CDH13: variants seen among roughly 807,000 people sequenced by gnomAD.
CDH13 encodes cadherin-13.
CDH13 carries 24 observed loss-of-function variants against 63.8 expected under a neutral mutation model. The observed-to-expected ratio is 0.38, with a 90% CI of 0.27 to 0.53. CDH13 has a LOEUF of 0.53. Among genes scored for constraint, CDH13 ranks in the 20% least tolerant of loss-of-function variants. The probability of loss-of-function intolerance (pLI) is 0.85; values close to 1 mark genes in which losing one functional copy is unlikely to be tolerated. For missense variants in CDH13, 1,049 were observed against 903.1 expected, an observed-to-expected ratio of 1.16 and a Z score of -2.07; for synonymous variants, 503 against 355.3, an observed-to-expected ratio of 1.42 and a Z score of -4.67.
intron 5 of CDH13, among the ~76,000 whole-genome samples, chr16:83,274,996 C>T (rs959799514): frequency 1.2e-4 from 19 of 152,166 alleles, no homozygotes; most frequent in South Asian, 2.1e-4. Flanking sequence ...CTGTCTGACC[C>T]GGCACTCCCT....
chr16:82,792,800 C>G (rs560747234), intron 1 of CDH13, among the ~76,000 whole-genome samples: 1 of 152,208 alleles, frequency 6.6e-6, no homozygotes, highest in East Asian at 1.9e-4. Flanking sequence ...GAAATCATCA[C>G]CCAATGCCCA....
At chr16:83,580,266 G>C (rs1905440006) in intron 7 of CDH13, among the ~76,000 whole-genome samples, 1 of 152,076 alleles carries the variant, frequency 6.6e-6, no homozygotes, top group African/African-American at 2.4e-5. Flanking sequence ...TGGAACCACT[G>C]GGGCTATTTT....
chr16:82,702,505 A>G (rs2150993320), intron 1 of CDH13, among the ~76,000 whole-genome samples: 1 of 152,276 alleles, frequency 6.6e-6, no homozygotes, highest in Non-Finnish European at 1.5e-5. Flanking sequence ...TTGATTCTGG[A>G]CTTGCCATTC....
intron 10 of CDH13, among the ~76,000 whole-genome samples, chr16:83,731,598 C>T (rs1911048711): frequency 6.6e-6 from 1 of 152,110 alleles, no homozygotes; most frequent in Non-Finnish European, 1.5e-5. Context: ...TATTTCTTTC[C>T]ATTCTATAGG....
intron 10 of CDH13, among the ~76,000 whole-genome samples, chr16:83,711,852 TTC>T (rs1235350343): frequency 6.6e-6 from 1 of 152,224 alleles, no homozygotes; most frequent in Non-Finnish European, 1.5e-5. Flanking sequence ...AGACATTGCA[TTC>T]TTTCTCCAGG....
intron 2 of CDH13, among the ~76,000 whole-genome samples, chr16:82,972,574 G>A (rs571565237): frequency 2.6e-5 from 4 of 152,294 alleles, no homozygotes; most frequent in South Asian, 2.1e-4. Flanking sequence ...AGTAGTAACA[G>A]CACTTCCATC....
At chr16:82,861,352 C>A (rs562524580) in intron 2 of CDH13, among the ~76,000 whole-genome samples, 1 of 152,130 alleles carries the variant, frequency 6.6e-6, no homozygotes, top group Non-Finnish European at 1.5e-5. Flanking sequence ...GTAAACACAG[C>A]ATAATCAATC....
At chr16:83,356,388 C>A (rs1190331947) in intron 6 of CDH13, among the ~76,000 whole-genome samples, 1 of 152,052 alleles carries the variant, frequency 6.6e-6, no homozygotes, top group African/African-American at 2.4e-5. Flanking sequence ...GCCAGATTCT[C>A]CCCCTAGCGG....
chr16:82,935,005 C>T (rs1168410472), intron 2 of CDH13, among the ~76,000 whole-genome samples: 1 of 152,208 alleles, frequency 6.6e-6, no homozygotes, highest in African/African-American at 2.4e-5. Flanking sequence ...TTTTGGGTAT[C>T]CTTACGGCAG....
At chr16:83,171,483 A>T (rs1237896458) in intron 4 of CDH13, 1 of 1,505,498 alleles carries the variant, frequency 6.6e-7, no homozygotes, top group Non-Finnish European at 8.9e-7. Context: ...TACTCATTCT[A>T]TGAAAATAGA....
chr16:82,735,107 C>G (rs1332872418), intron 1 of CDH13, among the ~76,000 whole-genome samples: 1 of 152,158 alleles, frequency 6.6e-6, no homozygotes, highest in Non-Finnish European at 1.5e-5. Flanking sequence ...TCTCCATGGC[C>G]TAAGATCACC....
At position 83,092,126 on chromosome 16, in the gene CDH13, A is replaced by G. The variant is rs192542064; in HGVS notation, c.367-33259A>G. Among the ~76,000 whole-genome samples the G allele has an allele frequency of 8.5e-4, 129 of 152,360 alleles. 1 individual carries two copies. The highest frequency in any genetic ancestry group is 2.8e-3 in the African/African-American group (115 of 41,594). ...CATATCACTGCATTCATTTCTCATT[A>G]TGGACTGTCAAAATTGACATTCTTG... is the stretch of plus-strand genomic sequence containing the variant. On this transcript the variant is annotated intron_variant, in intron 3 of 13. Coordinates refer to ENST00000567109, the MANE Select transcript of CDH13 (RefSeq NM_001257.5).
intron 2 of CDH13, among the ~76,000 whole-genome samples, chr16:83,004,243 G>C (rs946014685): frequency 1.3e-5 from 2 of 152,138 alleles, no homozygotes; most frequent in Non-Finnish European, 2.9e-5. Flanking sequence ...TAAAGATAGG[G>C]AAGCAGGAGG....
intron 2 of CDH13, among the ~76,000 whole-genome samples, chr16:82,960,193 A>G (rs976829895): frequency 1.3e-5 from 2 of 152,174 alleles, no homozygotes; most frequent in African/African-American, 4.8e-5. Flanking sequence ...GAGTCAAAGC[A>G]TGGGTGGGTG....
At chr16:83,165,375 G>A (rs968166030) in intron 4 of CDH13, among the ~76,000 whole-genome samples, 3 of 152,138 alleles carry the variant, frequency 2.0e-5, no homozygotes, top group South Asian at 2.1e-4. Context: ...GTTGTAGCAA[G>A]AGGCTGGTTG....
intron 13 of CDH13, among the ~76,000 whole-genome samples, chr16:83,791,995 G>C (rs1422874694): frequency 6.6e-6 from 1 of 152,188 alleles, no homozygotes; most frequent in Non-Finnish European, 1.5e-5. Flanking sequence ...AGTTTCCTTT[G>C]CTATTGATCC....
chr16:83,719,099 C>A (rs1243084264), intron 10 of CDH13, among the ~76,000 whole-genome samples: 6 of 152,308 alleles, frequency 3.9e-5, no homozygotes, highest in Admixed American at 1.3e-4. Flanking sequence ...CTCCTTAAAA[C>A]CAGCCCATTC....
chr16:83,132,453 CTT>C (rs566939460), intron 4 of CDH13, among the ~76,000 whole-genome samples: 16,843 of 92,752 alleles, frequency 0.18, 1,384 homozygotes, highest in African/African-American at 0.2. Flanking sequence ...ACACCCCCCC[CTT>C]TTTTTTTTTT....
At chr16:83,573,264 C>T (rs1276931401) in intron 7 of CDH13, among the ~76,000 whole-genome samples, 1 of 152,136 alleles carries the variant, frequency 6.6e-6, no homozygotes, top group African/African-American at 2.4e-5. Context: ...GAACTAGAGC[C>T]AAACTATGTG....
Sources: allele counts gnomAD v4.1 joint callset (sites outside exome capture counted in the v4.1 genomes callset), GRCh38; gene constraint gnomAD v4.1.1; transcripts MANE v1.5; gene names NCBI Gene and HGNC (gene_info 2026-07-23, HGNC 2026-07-21).